GCDH: variants seen among roughly 807,000 people sequenced by gnomAD.
GCDH encodes glutaryl-CoA dehydrogenase, mitochondrial.
In GCDH, 31 loss-of-function variants were observed where a neutral mutation model predicts 52.8. That is an observed-to-expected ratio of 0.59 (90% confidence interval 0.44 to 0.79). The LOEUF (loss-of-function observed/expected upper bound fraction) is 0.79. GCDH is among the 30% of genes least tolerant of loss of function. The probability of loss-of-function intolerance (pLI) is 0.00; values close to 1 mark genes in which losing one functional copy is unlikely to be tolerated. For missense variants in GCDH, 509 were observed against 595.0 expected, an observed-to-expected ratio of 0.86 and a Z score of 1.50; for synonymous variants, 242 against 250.0, an observed-to-expected ratio of 0.97 and a Z score of 0.30.
rs1330611556 is a variant in GCDH, at chr19:12,896,316, G to T, written c.747G>T (p.Arg249Ser). 1.9e-6 allele frequency: 3 copies of T among 1,614,024 alleles called. No individual in the cohort carries two copies. The highest frequency in any genetic ancestry group is 1.7e-6 in the Non-Finnish European group (2 of 1,180,014). ...GGATGCGGGGTCTCTCGGCCCCCAGGATCCAGGGCAAGTTCTCGCTGCGGG... is the reference window on the plus strand; with the variant it reads ...GGATGCGGGGTCTCTCGGCCCCCAGTATCCAGGGCAAGTTCTCGCTGCGGG... Reference protein sequence around the residue: ...EKGMRGLSAPRIQGKFSLRAS... With the variant: ...EKGMRGLSAPSIQGKFSLRAS... Residue 249 changes from arginine (R) to serine (S), a missense_variant, in exon 8 of 12, where the codon AGG (arginine) becomes AGT (serine). Transcript: ENST00000222214. The surrounding 1 kb of genome is among the most constrained non-coding windows in gnomAD (Gnocchi z 5.5).
rs371237723 is a variant in GCDH at position 12,899,589 on chromosome 19, T to C, written c.*48T>C. On this transcript the variant is annotated 3_prime_UTR_variant, in exon 12 of 12. Transcript: ENST00000222214. ...ACTCTCAAGCCCCTTTCTGGAGAGA[T>C]GCCTGGCTGGACCGTAGGAGCGCTG... The C allele has an allele frequency of 1.2e-5, 19 of 1,613,804 alleles. No homozygotes were observed. The highest frequency in any genetic ancestry group is 1.5e-5 in the Non-Finnish European group (18 of 1,179,916).
chr19:12,891,198 A>G lies in GCDH; in HGVS notation c.-39A>G. On this transcript the variant is annotated 5_prime_UTR_variant, in exon 1 of 12. Transcript: ENST00000222214. ...CCTCGGCAGTGAACCGGGAGGTACT[A>G]CCAGGTAAGGAAGGTGCGGTAGCCC... 1.2e-6 allele frequency: 1 copy of G among 824,634 alleles called. No individual in the cohort carries two copies. Among genetic ancestry groups the G allele is most frequent in the South Asian group, 1.4e-5 (1 of 71,594 alleles). The allele number at this position is 824,634 out of a possible 1,614,324, so 51.1% of individuals were successfully genotyped here. A position where few individuals can be genotyped will look rare whatever the true frequency, so the allele number is the denominator to read the frequency against.
chr19:12,893,565 G>A lies in GCDH; in HGVS notation c.417G>A (p.Ser139=), dbSNP rs201583578. The change falls in exon 6 of 12, where the codon TCG becomes TCA. Residue 139 remains serine, a synonymous_variant. Transcript: ENST00000222214. ...AGCGGGTGGACAGTGGCTACAGGTC[G>A]GCGATGAGTGTCCAGTCCTCCCTCG... ...ELERVDSGYR[S]AMSVQSSLVM... 183 of 1,613,696 alleles carry A rather than the reference G, an allele frequency of 1.1e-4. No homozygotes were observed. Among genetic ancestry groups the A allele is most frequent in the Admixed American group, 2.7e-4 (16 of 59,982 alleles).
chr19:12,897,150 G>T, intron 9 of GCDH, 137 bp downstream of exon 9: 1 of 1,215,352 alleles, frequency 8.2e-7, no homozygotes, highest in South Asian at 1.3e-5. Context: ...ACGTCCTTCT[G>T]AGCAGCTGTG....
At chr19:12,892,512 A>T in intron 5 of GCDH, 1 of 382,442 alleles carries the variant, frequency 2.6e-6, no homozygotes, top group Non-Finnish European at 4.9e-6. Flanking sequence ...GGCTGGTCTC[A>T]AACTCCTGAC....
Position 12,892,441 on chromosome 19 carries a change from G to A in GCDH, c.334+263G>A, listed in dbSNP as rs1450113800. Reference sequence around the variant, plus strand: ...CTAGTAGCTGGGATTACAGGTATGTGCCACCATGCCTGGCTAATTTTTGTA... The same window carrying A: ...CTAGTAGCTGGGATTACAGGTATGTACCACCATGCCTGGCTAATTTTTGTA... On this transcript the variant is annotated intron_variant, in intron 5 of 11. Transcript: ENST00000222214. The A allele has an allele frequency of 1.1e-5, 6 of 560,588 alleles. No homozygotes were observed. The Admixed American group carries it at 1.2e-4, about 12-fold the overall frequency. The allele number at this position is 560,588 out of a possible 1,614,324, so 34.7% of individuals were successfully genotyped here. A position where few individuals can be genotyped will look rare whatever the true frequency, so the allele number is the denominator to read the frequency against.
chr19:12,895,797 TTA>T (rs1568427261), intron 6 of GCDH, among the ~76,000 whole-genome samples, 193 bp from the exon 7 acceptor site: 3 of 127,192 alleles, frequency 2.4e-5, no homozygotes, highest in Non-Finnish European at 3.4e-5. Flanking sequence ...TTTTTTTTTT[TTA>T]AGTAGAGATG....
At position 12,896,692 on chromosome 19, in the gene GCDH, G is replaced by A. The variant is rs970291185; in HGVS notation, c.853-218G>A. ...TGGCATCCGTCAGCCTCCTGGCTCT[G>A]AGCATCGAACCCAGATGCCAGGCTG... On this transcript the variant is annotated intron_variant, in intron 8 of 11. Transcript: ENST00000222214. The surrounding 1 kb of genome is among the most constrained non-coding windows in gnomAD (Gnocchi z 5.5). Among the ~76,000 whole-genome samples, 1 of 152,214 alleles carries A rather than the reference G, an allele frequency of 6.6e-6. No individual in the cohort carries two copies. The highest frequency in any genetic ancestry group is 2.4e-5 in the African/African-American group (1 of 41,452).
chr19:12,895,682 G>A (rs1047355028), intron 6 of GCDH, among the ~76,000 whole-genome samples: 3 of 151,862 alleles, frequency 2.0e-5, no homozygotes, highest in African/African-American at 7.3e-5. Flanking sequence ...CATGATCTTG[G>A]CTCACTGCAA....
chr19:12,897,985 G>A, intron 11 of GCDH, 122 bp downstream of exon 11: 3 of 843,166 alleles, frequency 3.6e-6, no homozygotes, highest in Non-Finnish European at 3.9e-6. Flanking sequence ...GTGTGACCTG[G>A]GGCGAGCCTT....
At chr19:12,893,748 A>T in intron 6 of GCDH, 95 bp downstream of exon 6, 1 of 1,186,672 alleles carries the variant, frequency 8.4e-7, no homozygotes, top group Non-Finnish European at 1.2e-6. Context: ...TTCTGTCCCT[A>T]TCTCAAAGAT....
chr19:12,891,129 C>G (rs1168510514), upstream of GCDH: 1 of 628,260 alleles, frequency 1.6e-6, no homozygotes, highest in Non-Finnish European at 2.9e-6. Flanking sequence ...TCCGCTCCTC[C>G]CACTTCTTGC....
chr19:12,897,052 G>T (rs1396814158), intron 9 of GCDH, 39 bp downstream of exon 9: 1 of 1,526,236 alleles, frequency 6.6e-7, no homozygotes, highest in African/African-American at 1.4e-5. Flanking sequence ...GGGGGTGTGG[G>T]GCAGCTTGGG....
At position 12,891,819 on chromosome 19, in the gene GCDH, TCC is replaced by T; in HGVS notation, c.128-9_128-8del. On this transcript the variant is annotated splice_polypyrimidine_tract_variant and intron_variant, in intron 3 of 11. Coordinates refer to ENST00000222214, the MANE Select transcript of GCDH (RefSeq NM_000159.4). ...TCTTGCGGACTGGACCGAGGCGAAT[TCC>T]CCTTCCCAGCCTCGCGTCCCGAGTT... The T allele has an allele frequency of 6.2e-7, 1 of 1,613,508 alleles. No homozygotes were observed. Among genetic ancestry groups the T allele is most frequent in the South Asian group, 1.1e-5 (1 of 91,050 alleles).
At position 12,893,514 on chromosome 19, in the gene GCDH, C is replaced by G. The variant is rs751364711; in HGVS notation, c.366C>G (p.Ala122=). 91 of 1,613,994 alleles carry G rather than the reference C, an allele frequency of 5.6e-5. No individual in the cohort carries two copies. Among genetic ancestry groups the G allele is most frequent in the Non-Finnish European group, 7.6e-5 (90 of 1,179,986 alleles). The part of the protein sequence containing the change: ...GYGCAGVSSV[A]YGLLARELER... ...GCTGTGCTGGGGTTTCGTCTGTGGC[C>G]TATGGGCTCCTGGCCCGAGAGCTGG... Residue 122 remains alanine (A), a synonymous_variant, in exon 6 of 12, where the codon GCC becomes GCG. Transcript: ENST00000222214.
At chr19:12,893,141 C>T (rs900881111) in intron 5 of GCDH, among the ~76,000 whole-genome samples, 6 of 152,136 alleles carry the variant, frequency 3.9e-5, no homozygotes, top group African/African-American at 1.4e-4. Flanking sequence ...CCCACCTCGG[C>T]CTCCCAAAGT....
chr19:12,897,830 G>A lies in GCDH; in HGVS notation c.1210G>A (p.Ala404Thr), dbSNP rs201509112. 7.8e-5 allele frequency: 126 copies of A among 1,613,966 alleles called. No individual in the cohort carries two copies. The highest frequency in any genetic ancestry group is 3.3e-4 in the Middle Eastern group (2 of 6,062). Residue 404 changes from alanine (A) to threonine (T), a missense_variant, in exon 11 of 12, where the codon GCC becomes ACC. Transcript: ENST00000222214. ...TGACGAGTATCACGTGATCCGGCACGCCATGAACCTGGAGGCCGTGAACAC... is the reference window on the plus strand; with the variant it reads ...TGACGAGTATCACGTGATCCGGCACACCATGAACCTGGAGGCCGTGAACAC... ...ISDEYHVIRH[A>T]MNLEAVNTYE... is the part of the protein sequence containing the mutation.
At position 12,899,894 on chromosome 19, in the gene GCDH, C is replaced by T; in HGVS notation, c.*353C>T. The T allele has an allele frequency of 6.3e-7, 1 of 1,584,076 alleles. No homozygotes were observed. Among genetic ancestry groups the T allele is most frequent in the Admixed American group, 1.7e-5 (1 of 58,640 alleles). On this transcript the variant is annotated 3_prime_UTR_variant, in exon 12 of 12. Transcript: ENST00000222214. ...AGTTCACAGTGCGCCCTCCCTCCCT[C>T]CCATCTGGGGGTAGTGCCTTATGCT...
At chr19:12,894,543 C>G in intron 6 of GCDH, 2 of 663,160 alleles carry the variant, frequency 3.0e-6, no homozygotes, top group South Asian at 1.7e-5. Flanking sequence ...GGGCCCAGTA[C>G]AGCTAGCAGA....
Sources: gnomAD v4.1 joint callset for allele counts (sites outside exome capture counted in the v4.1 genomes callset) on GRCh38, gnomAD v4.1.1 for gene constraint, Gnocchi (gnomAD v3.1) non-coding constraint, MANE v1.5 for transcripts, NCBI Gene and HGNC (gene_info 2026-07-23, HGNC 2026-07-21) for gene names.